Variants in RSRC1 observed in about 807,000 individuals in gnomAD.
RSRC1 encodes the protein arginine and serine rich coiled-coil 1.
RSRC1 carries 39 observed loss-of-function variants against 49.1 expected under a neutral mutation model. The ratio of observed to expected loss-of-function variants is 0.79; its 90% confidence interval spans 0.61 to 1.04. The LOEUF (loss-of-function observed/expected upper bound fraction) is 1.04, where lower values mean the gene tolerates loss of function less well. Ranked by LOEUF, RSRC1 falls within the 50% of genes least tolerant of loss-of-function variation. The pLI is 0.00. For synonymous variants in RSRC1, 143 were observed against 130.8 expected (o/e 1.09, Z -0.63); for missense variants, 388 against 402.4 (o/e 0.96, Z 0.31).
chr3:158,509,847 C>T (rs9681065), intron 7 of RSRC1, among the ~76,000 whole-genome samples: 25,704 of 152,028 alleles, frequency 0.17, 2,353 homozygotes, highest in African/African-American at 0.24. Context: ...TGTTGATGCA[C>T]GTTTGGTTAT....
At chr3:158,210,963 G>A (rs1721640865) in intron 4 of RSRC1, among the ~76,000 whole-genome samples, 1 of 151,892 alleles carries the variant, frequency 6.6e-6, no homozygotes, top group Non-Finnish European at 1.5e-5. Flanking sequence ...GTGATTGCTC[G>A]ACTGTGAAAG....
chr3:158,453,437 G>A lies in RSRC1; in HGVS notation c.584-7498G>A, dbSNP rs572585793. Reference sequence around the variant, plus strand: ...GCTCTGTCACCCAGGCTGGAGTGCAGTTTTGGGATTCTAGCTCACTGCAGC... The same window carrying A: ...GCTCTGTCACCCAGGCTGGAGTGCAATTTTGGGATTCTAGCTCACTGCAGC... On this transcript the variant is annotated intron_variant, in intron 6 of 9. Coordinates refer to ENST00000611884, the MANE Select transcript of RSRC1 (RefSeq NM_001271838.2). Among the ~76,000 whole-genome samples, 238 of 150,188 alleles carry A rather than the reference G, an allele frequency of 1.6e-3. 1 individual carries two copies. The highest frequency in any genetic ancestry group is 2.7e-3 in the Non-Finnish European group (185 of 67,820).
At chr3:158,406,429 T>C (rs1734165131) in intron 6 of RSRC1, among the ~76,000 whole-genome samples, 1 of 152,122 alleles carries the variant, frequency 6.6e-6, no homozygotes, top group Non-Finnish European at 1.5e-5. Flanking sequence ...AAATTGTTCA[T>C]TTTGCATGTT....
intron 8 of RSRC1, among the ~76,000 whole-genome samples, chr3:158,541,156 C>G (rs1242562828): frequency 1.3e-5 from 2 of 152,128 alleles, no homozygotes; most frequent in African/African-American, 2.4e-5. Flanking sequence ...CCAAGCCCTT[C>G]TCTCTCAGGA....
chr3:158,215,303 T>G (rs569101721), intron 4 of RSRC1, among the ~76,000 whole-genome samples: 2,017 of 151,146 alleles, frequency 0.013, 56 homozygotes, highest in African/African-American at 0.046. Context: ...AGATAGTTTT[T>G]TTTTTTTTTT....
At chr3:158,272,678 T>G (rs527646980) in intron 4 of RSRC1, among the ~76,000 whole-genome samples, 1 of 152,028 alleles carries the variant, frequency 6.6e-6, no homozygotes, top group Non-Finnish European at 1.5e-5. Flanking sequence ...AAATAGAAAA[T>G]AGTTGCAAAA....
At chr3:158,136,229 G>A (rs1000836625) in intron 3 of RSRC1, among the ~76,000 whole-genome samples, 5 of 151,984 alleles carry the variant, frequency 3.3e-5, no homozygotes, top group Admixed American at 1.3e-4. Flanking sequence ...AATTTGATTC[G>A]AAATTACATG....
intron 1 of RSRC1, among the ~76,000 whole-genome samples, chr3:158,121,364 T>C (rs1247150419): frequency 6.6e-6 from 1 of 152,094 alleles, no homozygotes; most frequent in East Asian, 1.9e-4. Context: ...AGATATAATA[T>C]CTATTATATC....
intron 5 of RSRC1, among the ~76,000 whole-genome samples, chr3:158,341,788 A>G (rs1002901910): frequency 6.6e-6 from 1 of 152,070 alleles, no homozygotes; most frequent in Non-Finnish European, 1.5e-5. Context: ...AGCCACAGAC[A>G]CTCAATGCTA....
chr3:158,178,644 T>G (rs899134891), intron 3 of RSRC1, among the ~76,000 whole-genome samples: 1 of 152,196 alleles, frequency 6.6e-6, no homozygotes, highest in African/African-American at 2.4e-5. Flanking sequence ...TGGATGTTTA[T>G]TTTTCTATAT....
chr3:158,356,405 TG>T (rs1435571578), intron 6 of RSRC1, among the ~76,000 whole-genome samples: 1 of 152,110 alleles, frequency 6.6e-6, no homozygotes, highest in Non-Finnish European at 1.5e-5. Flanking sequence ...AACTCCAGTA[TG>T]ATCGGTATAC....
intron 7 of RSRC1, among the ~76,000 whole-genome samples, chr3:158,518,880 C>T (rs1395309115): frequency 1.3e-5 from 2 of 152,108 alleles, no homozygotes; most frequent in Admixed American, 1.3e-4. Context: ...GTGTTGTTTA[C>T]AGGAACTCAG....
intron 7 of RSRC1, among the ~76,000 whole-genome samples, chr3:158,501,995 T>A (rs995038289): frequency 6.6e-6 from 1 of 152,198 alleles, no homozygotes; most frequent in Non-Finnish European, 1.5e-5. Context: ...GAGGTTTTGT[T>A]TTGATGTATT....
chr3:158,284,480 C>G (rs1214164789), intron 4 of RSRC1, among the ~76,000 whole-genome samples: 1 of 148,962 alleles, frequency 6.7e-6, no homozygotes, highest in Non-Finnish European at 1.5e-5. Flanking sequence ...TGACTTCCAC[C>G]ATGGTTGAAC....
intron 6 of RSRC1, among the ~76,000 whole-genome samples, chr3:158,419,284 A>G (rs1186588755): frequency 2.0e-5 from 3 of 151,954 alleles, no homozygotes; most frequent in Non-Finnish European, 4.4e-5. Flanking sequence ...ATTAGTACTT[A>G]TGGCTGTGAC....
chr3:158,147,887 T>C (rs1247066927), intron 3 of RSRC1, among the ~76,000 whole-genome samples: 3 of 152,196 alleles, frequency 2.0e-5, no homozygotes, highest in Non-Finnish European at 2.9e-5. Flanking sequence ...AGGACTTTTT[T>C]TAAACTCTAT....
At chr3:158,507,077 C>A (rs901886455) in intron 7 of RSRC1, among the ~76,000 whole-genome samples, 2 of 151,782 alleles carry the variant, frequency 1.3e-5, no homozygotes, top group African/African-American at 2.4e-5. Context: ...AGAGTGAAAT[C>A]CTGTTATTTG....
chr3:158,540,608 A>G (rs1314048763), intron 8 of RSRC1, among the ~76,000 whole-genome samples: 1 of 152,012 alleles, frequency 6.6e-6, no homozygotes, highest in East Asian at 1.9e-4. Flanking sequence ...TGATATCATC[A>G]TCCCCAAAAT....
chr3:158,409,610 A>G (rs1734336031), intron 6 of RSRC1, among the ~76,000 whole-genome samples: 1 of 152,132 alleles, frequency 6.6e-6, no homozygotes, highest in African/African-American at 2.4e-5. Context: ...GTTCAATAAC[A>G]TGTCCCCCAT....
Sources: gnomAD v4.1 joint callset for allele counts (sites outside exome capture counted in the v4.1 genomes callset) on GRCh38, gnomAD v4.1.1 for gene constraint, MANE v1.5 for transcripts, NCBI Gene and HGNC (gene_info 2026-07-23, HGNC 2026-07-21) for gene names.